Variants in CFH observed in about 807,000 individuals in gnomAD.
The protein encoded by CFH is complement factor H.
CFH carries 53 observed loss-of-function variants against 147.3 expected under a neutral mutation model. The observed-to-expected ratio is 0.36, with a 90% CI of 0.29 to 0.45. The LOEUF (loss-of-function observed/expected upper bound fraction) is 0.45. CFH is among the 20% of genes least tolerant of loss of function. The probability of loss-of-function intolerance (pLI) is 1.00; values close to 1 mark genes in which losing one functional copy is unlikely to be tolerated. For synonymous variants in CFH, 536 were observed against 489.4 expected, an observed-to-expected ratio of 1.10 and a Z score of -1.26; for missense variants, 1,380 against 1,498.0, an observed-to-expected ratio of 0.92 and a Z score of 1.30.
At chr1:196,719,932 T>C (rs203672) in intron 11 of CFH, among the ~76,000 whole-genome samples, 99,130 of 151,292 alleles carry the variant, frequency 0.66, 33,241 homozygotes, top group East Asian at 0.95. Context: ...TATATTTTTT[T>C]TAACTTAAAA....
intron 2 of CFH, 79 bp downstream of exon 2, chr1:196,673,242 C>T: frequency 1.6e-6 from 2 of 1,238,696 alleles, no homozygotes; most frequent in Non-Finnish European, 2.4e-6. Context: ...AGCAATTATG[C>T]CTGAATTATA....
intron 2 of CFH, 79 bp downstream of exon 2, chr1:196,673,242 C>A (rs2149077759): frequency 8.1e-7 from 1 of 1,238,696 alleles, no homozygotes; most frequent in Non-Finnish European, 1.2e-6. Flanking sequence ...AGCAATTATG[C>A]CTGAATTATA....
rs1041276348 is a variant in CFH at position 196,655,891 on chromosome 1, A to C, written c.58+3716A>C. ...AAATAAAGTAACTGAACATCAAAAA[A>C]TGAAACAATAAAAAGGAAAGAAAAA... is the stretch of plus-strand genomic sequence containing the variant. On this transcript the variant is annotated intron_variant, in intron 1 of 21. Coordinates refer to ENST00000367429, the MANE Select transcript of CFH (RefSeq NM_000186.4). Among the ~76,000 whole-genome samples the C allele has an allele frequency of 4.6e-5, 7 of 152,392 alleles. No individual in the cohort carries two copies. In the East Asian group the frequency reaches 9.6e-4, roughly 21 times the overall value.
Position 196,747,296 on chromosome 1 carries a change from A to G in CFH, c.3679A>G (p.Thr1227Ala). ...TTGGGATGGGAAACTGGAGTATCCA[A>G]CTTGTGCAAAAAGATAGAATCAATC... ...TCWDGKLEYP[T>A]CAKR The change falls in exon 22 of 22, where the codon ACT becomes GCT. Residue 1227 changes from threonine to alanine, a missense_variant. Physicochemically the swap from Thr to Ala is moderately conservative, Grantham distance 58. Coordinates refer to ENST00000367429, the MANE Select transcript of CFH (RefSeq NM_000186.4). 1 of 1,614,092 alleles carries G rather than the reference A, an allele frequency of 6.2e-7. No homozygotes were observed. Among genetic ancestry groups the G allele is most frequent in the Non-Finnish European group, 8.5e-7 (1 of 1,179,964 alleles).
Position 196,652,160 on chromosome 1 carries a change from A to G in CFH, c.43A>G (p.Ile15Val), listed in dbSNP as rs1391516616. ...AKIICLMLWAICVAEDCNELP... is the reference protein window; with the variant it reads ...AKIICLMLWAVCVAEDCNELP... ...GATTATTTGCCTTATGTTATGGGCTATTTGTGTAGCAGAAGGTAAGATTAA... is the reference window on the plus strand; with the variant it reads ...GATTATTTGCCTTATGTTATGGGCTGTTTGTGTAGCAGAAGGTAAGATTAA... Residue 15 changes from isoleucine (I) to valine (V), a missense_variant, in exon 1 of 22, where the codon ATT (isoleucine) becomes GTT (valine). Transcript: ENST00000367429. 2 of 1,611,524 alleles carry G rather than the reference A, an allele frequency of 1.2e-6. No homozygotes were observed. Among genetic ancestry groups the G allele is most frequent in the Non-Finnish European group, 1.7e-6 (2 of 1,177,848 alleles).
intron 1 of CFH, among the ~76,000 whole-genome samples, chr1:196,654,479 A>C (rs1666615676): frequency 6.6e-6 from 1 of 152,270 alleles, no homozygotes; most frequent in East Asian, 1.9e-4. Flanking sequence ...CAGGCTACTA[A>C]GAATTGGGTC....
intron 1 of CFH, among the ~76,000 whole-genome samples, chr1:196,652,621 CATTT>C (rs1450114384): frequency 6.6e-6 from 1 of 151,686 alleles, no homozygotes; most frequent in African/African-American, 2.4e-5. Context: ...AATAAAAATT[CATTT>C]ATCATTTACA....
chr1:196,707,897 C>T (rs573461587), intron 9 of CFH, among the ~76,000 whole-genome samples: 1 of 152,136 alleles, frequency 6.6e-6, no homozygotes, highest in Non-Finnish European at 1.5e-5. Flanking sequence ...TATTCCCTGC[C>T]TTACTGAATG....
chr1:196,654,058 A>G (rs1348087211), intron 1 of CFH, among the ~76,000 whole-genome samples: 1 of 152,120 alleles, frequency 6.6e-6, no homozygotes, highest in Non-Finnish European at 1.5e-5. Context: ...TTAATCTACC[A>G]TATCTAAAAA....
At chr1:196,744,612 A>C (rs1173774558) in intron 20 of CFH, among the ~76,000 whole-genome samples, 1 of 152,168 alleles carries the variant, frequency 6.6e-6, no homozygotes, top group African/African-American at 2.4e-5. Context: ...ACTTTCATGT[A>C]GATCCATTTA....
intron 7 of CFH, among the ~76,000 whole-genome samples, chr1:196,686,113 CT>C (rs1389369019): frequency 6.6e-6 from 1 of 152,052 alleles, no homozygotes. Flanking sequence ...TGAGAACTCA[CT>C]CACTATCATG....
intron 9 of CFH, among the ~76,000 whole-genome samples, chr1:196,703,697 G>A (rs1668516191): frequency 6.6e-6 from 1 of 151,992 alleles, no homozygotes; most frequent in African/African-American, 2.4e-5. Context: ...TTAAAGCACA[G>A]TTTTTTGCTG....
chr1:196,679,597 T>G, intron 5 of CFH, 26 bp from the exon 6 acceptor site: 1 of 1,531,812 alleles, frequency 6.5e-7, no homozygotes, highest in Non-Finnish European at 9.0e-7. Flanking sequence ...CAATAAACAT[T>G]TTGGAATTTA....
chr1:196,674,287 G>A (rs1667383006), intron 3 of CFH, among the ~76,000 whole-genome samples: 1 of 152,126 alleles, frequency 6.6e-6, no homozygotes, highest in Non-Finnish European at 1.5e-5. Flanking sequence ...AGTTCAATGT[G>A]TCAGGAACAA....
chr1:196,666,993 TA>T (rs1193715665), intron 1 of CFH, among the ~76,000 whole-genome samples: 1 of 152,178 alleles, frequency 6.6e-6, no homozygotes, highest in African/African-American at 2.4e-5. Context: ...TTTATTAATA[TA>T]AAAAACTTAA....
chr1:196,662,690 T>A (rs1237056177), intron 1 of CFH, among the ~76,000 whole-genome samples: 2 of 151,998 alleles, frequency 1.3e-5, no homozygotes, highest in Non-Finnish European at 2.9e-5. Context: ...GAGACCAGCC[T>A]GGGCAAAACG....
At chr1:196,661,619 G>T (rs919316481) in intron 1 of CFH, among the ~76,000 whole-genome samples, 1 of 152,136 alleles carries the variant, frequency 6.6e-6, no homozygotes, top group African/African-American at 2.4e-5. Context: ...CCACCTTCAC[G>T]ACCTAATCAC....
intron 4 of CFH, 74 bp from the exon 5 acceptor site, chr1:196,677,401 AT>A: frequency 6.7e-6 from 9 of 1,340,928 alleles, no homozygotes; most frequent in Non-Finnish European, 9.6e-6. Flanking sequence ...CCTGAGGATG[AT>A]TTTATACATA....
At chr1:196,687,372 A>T (rs1317165617) in intron 7 of CFH, among the ~76,000 whole-genome samples, 1 of 152,096 alleles carries the variant, frequency 6.6e-6, no homozygotes, top group Non-Finnish European at 1.5e-5. Context: ...TGTAAAAGGG[A>T]TAAAAACAGA....
Sources: allele counts gnomAD v4.1 joint callset (sites outside exome capture counted in the v4.1 genomes callset), GRCh38; gene constraint gnomAD v4.1.1; transcripts MANE v1.5; gene names NCBI Gene and HGNC (gene_info 2026-07-23, HGNC 2026-07-21).